Variants in RBFOX1 observed in about 807,000 individuals in gnomAD.
RBFOX1 encodes RNA binding fox-1 homolog 1.
In RBFOX1, 8 loss-of-function variants were observed where a neutral mutation model predicts 57.7. The ratio of observed to expected loss-of-function variants is 0.14; its 90% CI spans 0.08 to 0.25. The LOEUF (loss-of-function observed/expected upper bound fraction) is 0.25, where lower values mean the gene tolerates loss of function less well. RBFOX1 is among the 10% of genes least tolerant of loss of function. The pLI is 1.00. For synonymous variants in RBFOX1, 326 were observed against 222.4 expected (o/e 1.47, Z -4.15); for missense variants, 611 against 548.5 (o/e 1.11, Z -1.14).
intron 3 of RBFOX1, among the ~76,000 whole-genome samples, chr16:6,761,792 A>G (rs9929464): frequency 0.04 from 6,077 of 152,006 alleles, 201 homozygotes; most frequent in African/African-American, 0.096. Flanking sequence ...GGCATGAGCC[A>G]CCACGCCTGG....
At chr16:5,504,036 G>A (rs962122435) in intron 2 of RBFOX1, among the ~76,000 whole-genome samples, 3 of 152,130 alleles carry the variant, frequency 2.0e-5, no homozygotes, top group African/African-American at 7.2e-5. Context: ...GGGCTGGTTT[G>A]GGGCCCCTCC....
At chr16:5,588,805 G>A (rs2046914649) in intron 2 of RBFOX1, among the ~76,000 whole-genome samples, 1 of 152,176 alleles carries the variant, frequency 6.6e-6, no homozygotes, top group Non-Finnish European at 1.5e-5. Context: ...CAACAAAAGT[G>A]ATCTGAGTTC....
intron 1 of RBFOX1, among the ~76,000 whole-genome samples, chr16:6,051,776 C>G (rs953638253): frequency 1.3e-5 from 2 of 152,194 alleles, no homozygotes; most frequent in African/African-American, 4.8e-5. Context: ...ATTAGTCAGG[C>G]TGATCTTGAA....
chr16:5,687,575 G>A (rs943333013), intron 3 of RBFOX1, among the ~76,000 whole-genome samples: 2 of 152,176 alleles, frequency 1.3e-5, no homozygotes, highest in African/African-American at 4.8e-5. Context: ...TAAAGTTTCA[G>A]ACTAAGTCTT....
intron 1 of RBFOX1, among the ~76,000 whole-genome samples, chr16:5,328,586 A>G (rs2064652950): frequency 6.6e-6 from 1 of 152,206 alleles, no homozygotes; most frequent in African/African-American, 2.4e-5. Flanking sequence ...ATTTGAGTCA[A>G]TGAAACATAC....
At chr16:6,717,898 C>G (rs1405536803) in intron 3 of RBFOX1, among the ~76,000 whole-genome samples, 1 of 152,158 alleles carries the variant, frequency 6.6e-6, no homozygotes, top group Non-Finnish European at 1.5e-5. Flanking sequence ...ACACTGGTTC[C>G]AAGGATCCTA....
intron 4 of RBFOX1, among the ~76,000 whole-genome samples, chr16:7,383,208 G>A (rs1047399995): frequency 2.1e-4 from 32 of 150,942 alleles, no homozygotes; most frequent in African/African-American, 7.3e-4. Context: ...TGGCATGCCT[G>A]TATCAAAACA....
chr16:5,339,480 T>G (rs1418422148), intron 1 of RBFOX1, among the ~76,000 whole-genome samples: 1 of 111,266 alleles, frequency 9.0e-6, no homozygotes, highest in Non-Finnish European at 1.8e-5. Flanking sequence ...GTTTTTTTTT[T>G]TTTTTTTTTT....
intron 4 of RBFOX1, among the ~76,000 whole-genome samples, chr16:7,206,496 C>A (rs1010338353): frequency 6.6e-6 from 1 of 151,380 alleles, no homozygotes; most frequent in Non-Finnish European, 1.5e-5. Context: ...TGCACACACA[C>A]ACACATATAT....
At chr16:5,611,749 TTCA>T (rs2047808890) in intron 3 of RBFOX1, among the ~76,000 whole-genome samples, 15 of 130,700 alleles carry the variant, frequency 1.1e-4, no homozygotes, top group South Asian at 2.6e-4. Context: ...CATCCATCCA[TTCA>T]CCCTTCTTTT....
At chr16:6,238,090 C>T (rs1425240342) in intron 1 of RBFOX1, among the ~76,000 whole-genome samples, 2 of 66,086 alleles carry the variant, frequency 3.0e-5, no homozygotes, top group Non-Finnish European at 6.2e-5. Flanking sequence ...GACTCTGTCT[C>T]AAAAAAAAAA....
At chr16:5,308,885 C>G (rs1461858324) in intron 1 of RBFOX1, among the ~76,000 whole-genome samples, 3 of 152,178 alleles carry the variant, frequency 2.0e-5, no homozygotes, top group East Asian at 3.9e-4. Context: ...TGAGACCTCC[C>G]TGCTAAATGC....
chr16:7,598,521 C>T (rs1187666058), intron 9 of RBFOX1, among the ~76,000 whole-genome samples: 3 of 151,852 alleles, frequency 2.0e-5, no homozygotes, highest in Non-Finnish European at 4.4e-5. Context: ...TTAAAAGAAA[C>T]GTTAAAGACA....
intron 3 of RBFOX1, among the ~76,000 whole-genome samples, chr16:6,838,061 G>A (rs1470750352): frequency 2.0e-5 from 3 of 151,494 alleles, no homozygotes; most frequent in African/African-American, 7.3e-5. Context: ...TGCAGAACAT[G>A]CAGGTTTGTT....
intron 3 of RBFOX1, among the ~76,000 whole-genome samples, chr16:5,749,939 A>G (rs60382485): frequency 0.064 from 9,733 of 151,952 alleles, 1,050 homozygotes; most frequent in African/African-American, 0.22. Context: ...GGGGAGAGGT[A>G]CTCTGATTTT....
intron 2 of RBFOX1, among the ~76,000 whole-genome samples, chr16:6,566,652 C>A (rs1318811427): frequency 6.6e-6 from 1 of 152,124 alleles, no homozygotes; most frequent in Admixed American, 6.5e-5. Context: ...CCCCTTTACG[C>A]ACACTCCTCA....
chr16:6,115,390 T>C (rs907230848), intron 1 of RBFOX1, among the ~76,000 whole-genome samples: 22 of 151,562 alleles, frequency 1.5e-4, no homozygotes, highest in African/African-American at 5.1e-4. Context: ...AAAGAGGTCT[T>C]TATTATTATG....
At chr16:7,660,656 A>G (rs2067491843) in intron 12 of RBFOX1, among the ~76,000 whole-genome samples, 5 of 152,220 alleles carry the variant, frequency 3.3e-5, no homozygotes, top group Non-Finnish European at 5.9e-5. Flanking sequence ...ATGGTGTTGC[A>G]TAGAGCTATG....
At chr16:5,452,884 G>A (rs768838697) in intron 1 of RBFOX1, among the ~76,000 whole-genome samples, 1 of 151,996 alleles carries the variant, frequency 6.6e-6, no homozygotes, top group Non-Finnish European at 1.5e-5. Context: ...CCACCTGCTC[G>A]GCTTCCCAAA....
Sources: allele counts gnomAD v4.1 joint callset (sites outside exome capture counted in the v4.1 genomes callset), GRCh38; gene constraint gnomAD v4.1.1; transcripts MANE v1.5; gene names NCBI Gene and HGNC (gene_info 2026-07-23, HGNC 2026-07-21).